The following OSBPL1A variants were observed in gnomAD, a reference collection of about 807,000 sequenced individuals.
The protein encoded by OSBPL1A is oxysterol binding protein like 1A, also known as oxysterol-binding protein-related protein 1.
Under a neutral mutation model 137.1 loss-of-function variants are expected in OSBPL1A, and 80 were observed. The observed-to-expected ratio is 0.58, with a 90% CI of 0.49 to 0.70. OSBPL1A has a LOEUF of 0.70. OSBPL1A is among the 30% of genes least tolerant of loss of function. OSBPL1A has a pLI of 0.00. For missense variants in OSBPL1A, 970 were observed against 1,129.4 expected, an observed-to-expected ratio of 0.86 and a Z score of 2.02; for synonymous variants, 365 against 389.7, an observed-to-expected ratio of 0.94 and a Z score of 0.75.
intron 27 of OSBPL1A, among the ~76,000 whole-genome samples, chr18:24,164,573 C>T (rs933938196): frequency 2.6e-5 from 4 of 151,916 alleles, no homozygotes; most frequent in Non-Finnish European, 4.4e-5. Flanking sequence ...GGACTACAGG[C>T]GCCCGCCACC....
Position 24,162,103 on chromosome 18 carries a change from C to CTT in OSBPL1A, c.*1074_*1075dup, listed in dbSNP as rs1303320738. ...TCAGGTAGATTATTTCATTATAACA[C>CTT]TTGTTAACTTCAAGACAGCAATTAA... On this transcript the variant is annotated 3_prime_UTR_variant, in exon 28 of 28. Transcript: ENST00000319481. 1 of 152,206 alleles carries CTT rather than the reference C, an allele frequency of 6.6e-6. No homozygotes were observed. The highest frequency in any genetic ancestry group is 1.5e-5 in the Non-Finnish European group (1 of 68,068). 9.4% of individuals were successfully genotyped at this position (152,206 alleles called of 1,614,324 possible).
At chr18:24,230,375 C>T (rs995699266) in intron 16 of OSBPL1A, among the ~76,000 whole-genome samples, 1 of 152,112 alleles carries the variant, frequency 6.6e-6, no homozygotes, top group African/African-American at 2.4e-5. Flanking sequence ...AATCCCACTG[C>T]ATTGTACACT....
At chr18:24,303,807 A>G in intron 13 of OSBPL1A, 89 bp from the exon 14 acceptor site, 1 of 1,069,384 alleles carries the variant, frequency 9.4e-7, no homozygotes, top group Non-Finnish European at 1.4e-6. Flanking sequence ...AACTTTCAGT[A>G]CATAGATTGA....
intron 7 of OSBPL1A, among the ~76,000 whole-genome samples, chr18:24,322,651 A>C (rs149111942): frequency 1.4e-3 from 218 of 152,290 alleles, no homozygotes; most frequent in African/African-American, 5.1e-3. Context: ...TGGAGAAATT[A>C]TTTCTTTAGG....
At chr18:24,245,435 A>G (rs1209754635) in intron 15 of OSBPL1A, among the ~76,000 whole-genome samples, 2 of 152,146 alleles carry the variant, frequency 1.3e-5, no homozygotes, top group East Asian at 3.8e-4. Flanking sequence ...TCTCACTTCA[A>G]AACTTTTTTC....
rs76851894 is a variant in OSBPL1A at position 24,193,982 on chromosome 18, A to T, written c.1677+2143T>A. The stretch of plus-strand genomic sequence containing the variant: ...AGCAGGTGCAATCCAACATAACATC[A>T]TCTCCTATCTTTTAAAAGAATGGTT... On this transcript the variant is annotated intron_variant, in intron 18 of 27. Coordinates refer to ENST00000319481, the MANE Select transcript of OSBPL1A (RefSeq NM_080597.4). 9.5e-3 allele frequency among the ~76,000 whole-genome samples: 1,452 copies of T among 152,346 alleles called. 8 individuals are homozygous for T. Among genetic ancestry groups the T allele is most frequent in the Non-Finnish European group, 0.014 (921 of 68,024 alleles).
At chr18:24,236,768 G>C (rs1786125) in intron 16 of OSBPL1A, among the ~76,000 whole-genome samples, 1 of 152,274 alleles carries the variant, frequency 6.6e-6, no homozygotes, top group Admixed American at 6.5e-5. Context: ...CAGCAGATAC[G>C]GCAAAACAAT....
intron 15 of OSBPL1A, among the ~76,000 whole-genome samples, chr18:24,266,756 T>C (rs1023659495): frequency 6.6e-6 from 1 of 151,784 alleles, no homozygotes; most frequent in Non-Finnish European, 1.5e-5. Flanking sequence ...ATTATTAGAG[T>C]CTAAAAAATA....
chr18:24,271,734 G>A lies in OSBPL1A; in HGVS notation c.1281+9108C>T, dbSNP rs924486882. ...TCCTCCCCTCCAGTCGAGCCGAGGCGAGCCGATCCGGGAGGCGCGACCCAG... is the reference window on the plus strand; with the variant it reads ...TCCTCCCCTCCAGTCGAGCCGAGGCAAGCCGATCCGGGAGGCGCGACCCAG... On this transcript the variant is annotated intron_variant, in intron 15 of 27. Transcript: ENST00000319481. This position sits in a 1 kb window ranked among gnomAD's most constrained non-coding sequence, Gnocchi z 4.0. 4 of 985,600 alleles carry A rather than the reference G, an allele frequency of 4.1e-6. No individual in the cohort carries two copies. Among genetic ancestry groups the A allele is most frequent in the Non-Finnish European group, 4.8e-6 (4 of 830,120 alleles). The allele number at this position is 985,600 out of a possible 1,614,324, so 61.1% of individuals were successfully genotyped here.
At chr18:24,264,382 G>C (rs1052454448) in intron 15 of OSBPL1A, among the ~76,000 whole-genome samples, 16 of 152,076 alleles carry the variant, frequency 1.1e-4, no homozygotes, top group African/African-American at 3.9e-4. Flanking sequence ...TGTTGTTAAG[G>C]CCAATATTTT....
intron 4 of OSBPL1A, among the ~76,000 whole-genome samples, chr18:24,354,775 A>G (rs973857518): frequency 7.3e-6 from 1 of 136,480 alleles, no homozygotes; most frequent in Admixed American, 7.6e-5. Context: ...AAAAAAAAAG[A>G]AAGAAAGAAA....
intron 1 of OSBPL1A, among the ~76,000 whole-genome samples, chr18:24,378,130 C>T (rs1906331186): frequency 6.6e-6 from 1 of 152,086 alleles, no homozygotes; most frequent in African/African-American, 2.4e-5. Flanking sequence ...TAGAAAATTA[C>T]AACCAAATTT....
At chr18:24,236,850 C>T (rs2088495014) in intron 16 of OSBPL1A, among the ~76,000 whole-genome samples, 2 of 152,130 alleles carry the variant, frequency 1.3e-5, no homozygotes, top group African/African-American at 2.4e-5. Context: ...TTCTCTCTTC[C>T]TCCCGGAGGA....
intron 17 of OSBPL1A, among the ~76,000 whole-genome samples, chr18:24,206,661 C>G (rs920858729): frequency 6.6e-6 from 1 of 152,304 alleles, no homozygotes; most frequent in African/African-American, 2.4e-5. Context: ...TGGGAGACTT[C>G]GAGCATGCTC....
intron 14 of OSBPL1A, among the ~76,000 whole-genome samples, chr18:24,297,443 A>C (rs374638203): frequency 6.6e-6 from 1 of 152,102 alleles, no homozygotes; most frequent in South Asian, 2.1e-4. Context: ...TCAAAGAACC[A>C]GTTTTTTGTT....
intron 4 of OSBPL1A, among the ~76,000 whole-genome samples, chr18:24,362,781 T>C (rs575967501): frequency 2.0e-5 from 3 of 152,352 alleles, no homozygotes; most frequent in Non-Finnish European, 4.4e-5. Flanking sequence ...ACTGTTATCC[T>C]GAAAAAATGA....
chr18:24,348,183 A>C (rs898156072), intron 4 of OSBPL1A, among the ~76,000 whole-genome samples: 1 of 152,230 alleles, frequency 6.6e-6, no homozygotes, highest in African/African-American at 2.4e-5. Flanking sequence ...AAATATCAAC[A>C]ATAAATGTAT....
chr18:24,229,600 C>T (rs919733748), intron 16 of OSBPL1A, among the ~76,000 whole-genome samples: 1 of 152,192 alleles, frequency 6.6e-6, no homozygotes, highest in Non-Finnish European at 1.5e-5. Context: ...TCAGTTTAAA[C>T]ATGTTTAGCT....
Position 24,181,363 on chromosome 18 carries a change from G to C in OSBPL1A, c.1678-84C>G, listed in dbSNP as rs2086601548. On this transcript the variant is annotated intron_variant, in intron 18 of 27. Coordinates refer to ENST00000319481, the MANE Select transcript of OSBPL1A (RefSeq NM_080597.4). ...GTTATCTTTACATAACATCCTCCTGGAAAGGACAGAACAGAAACTAGCAAC... is the reference window on the plus strand; with the variant it reads ...GTTATCTTTACATAACATCCTCCTGCAAAGGACAGAACAGAAACTAGCAAC... The C allele has an allele frequency of 1.5e-5, 22 of 1,424,344 alleles. No homozygotes were observed. The South Asian group carries it at 3.0e-4, about 19-fold the overall frequency. The allele number at this position is 1,424,344 out of a possible 1,614,324, so 88.2% of individuals were successfully genotyped here.
Sources: allele counts gnomAD v4.1 joint callset (sites outside exome capture counted in the v4.1 genomes callset), GRCh38; gene constraint gnomAD v4.1.1; non-coding constraint Gnocchi (gnomAD v3.1); transcripts MANE v1.5; gene names NCBI Gene and HGNC (gene_info 2026-07-23, HGNC 2026-07-21).